DNAAF6: variants seen among roughly 807,000 people sequenced by gnomAD.
The protein encoded by DNAAF6 is PIH1 domain containing 3.
DNAAF6 carries 3 observed loss-of-function variants against 13.7 expected under a neutral mutation model. That is an observed-to-expected ratio of 0.22 (90% CI 0.10 to 0.56). DNAAF6 has a LOEUF of 0.56. Among genes scored for constraint, DNAAF6 ranks in the 20% least tolerant of loss-of-function variants. DNAAF6 has a pLI of 0.92. For missense variants in DNAAF6, 130 were observed against 151.0 expected (o/e 0.86, Z 0.73); for synonymous variants, 54 against 49.2 (o/e 1.10, Z -0.41).
Position 107,222,755 on chromosome X carries a change from A to G in DNAAF6, c.343A>G (p.Ile115Val). The G allele has an allele frequency of 8.3e-7, 1 of 1,202,742 alleles. No homozygotes were observed. Among genetic ancestry groups the G allele is most frequent in the Non-Finnish European group, 1.1e-6 (1 of 891,671 alleles). ...TTGATTTTTTTTCAGGTATGAGATTATATTCAGACAGCAGGTGGGAACTGA... is the reference window on the plus strand; with the variant it reads ...TTGATTTTTTTTCAGGTATGAGATTGTATTCAGACAGCAGGTGGGAACTGA... ...DVREIPEYEI[I>V]FRQQVGTEDI... Residue 115 changes from isoleucine (I) to valine (V), a missense_variant, in exon 5 of 7, where the codon ATA becomes GTA. Coordinates refer to ENST00000372453, the MANE Select transcript of DNAAF6 (RefSeq NM_173494.2).
intron 5 of DNAAF6, among the ~76,000 whole-genome samples, chrX:107,236,933 T>G: frequency 8.9e-6 from 1 of 111,804 alleles, no homozygotes; most frequent in East Asian, 2.8e-4. Context: ...CTATTTACTT[T>G]GAGGCAGAGC....
intron 5 of DNAAF6, among the ~76,000 whole-genome samples, chrX:107,227,884 G>T (rs1405116949): frequency 9.0e-6 from 1 of 111,025 alleles, no homozygotes; most frequent in Non-Finnish European, 1.9e-5. Context: ...GAGAGAGAGT[G>T]TGTGTGTGTT....
intron 6 of DNAAF6, 119 bp from the exon 7 acceptor site, chrX:107,243,050 A>C: frequency 1.3e-6 from 1 of 776,134 alleles, no homozygotes; most frequent in Non-Finnish European, 1.8e-6. Context: ...TACACTATCT[A>C]AATATTGGGG....
intron 6 of DNAAF6, among the ~76,000 whole-genome samples, chrX:107,240,832 A>G (rs1176624713): frequency 8.9e-6 from 1 of 111,785 alleles, no homozygotes. Context: ...TAAGAATTTC[A>G]TAAATGAATA....
chrX:107,229,593 G>A (rs1928337648), intron 5 of DNAAF6, among the ~76,000 whole-genome samples: 1 of 110,094 alleles, frequency 9.1e-6, no homozygotes, highest in Non-Finnish European at 1.9e-5. Context: ...CTGGAGATTT[G>A]ACCTATGTCT....
intron 5 of DNAAF6, among the ~76,000 whole-genome samples, chrX:107,229,403 G>A (rs1444457084): frequency 1.8e-5 from 2 of 108,726 alleles, no homozygotes; most frequent in Non-Finnish European, 3.8e-5. Context: ...TGAGATTACA[G>A]GCATGAGCCA....
At chrX:107,230,589 A>T (rs1928368036) in intron 5 of DNAAF6, among the ~76,000 whole-genome samples, 2 of 112,080 alleles carry the variant, frequency 1.8e-5, no homozygotes, top group African/African-American at 6.5e-5. Flanking sequence ...AGGCTGAGGC[A>T]GGAGAATTGT....
intron 1 of DNAAF6, among the ~76,000 whole-genome samples, chrX:107,211,128 TG>T (rs1007681240): frequency 8.9e-6 from 1 of 112,367 alleles, no homozygotes; most frequent in African/African-American, 3.2e-5. Flanking sequence ...TTAATAAAGT[TG>T]AATAAGTTAT....
At chrX:107,217,212 C>T (rs1326203243) in intron 3 of DNAAF6, among the ~76,000 whole-genome samples, 2 of 111,596 alleles carry the variant, frequency 1.8e-5, no homozygotes, top group African/African-American at 6.5e-5. Flanking sequence ...ACATTCCTTG[C>T]ATATTTTCTG....
chrX:107,235,433 T>C (rs1317426998), intron 5 of DNAAF6, among the ~76,000 whole-genome samples: 1 of 111,380 alleles, frequency 9.0e-6, no homozygotes, highest in Non-Finnish European at 1.9e-5. Flanking sequence ...AAGTGTAATC[T>C]ATGAGGCTAC....
At chrX:107,214,429 A>G (rs1354185145) in intron 2 of DNAAF6, among the ~76,000 whole-genome samples, 2 of 111,717 alleles carry the variant, frequency 1.8e-5, no homozygotes, top group Non-Finnish European at 3.8e-5. Flanking sequence ...GGACAGATTC[A>G]AATATAAGGA....
intron 5 of DNAAF6, among the ~76,000 whole-genome samples, chrX:107,231,140 A>C (rs1214095975): frequency 1.8e-5 from 2 of 112,125 alleles, no homozygotes. Flanking sequence ...CTATTCAGCC[A>C]TTAAAAAAAG....
Position 107,244,057 on chromosome X carries a change from G to A in DNAAF6, c.*759G>A, listed in dbSNP as rs762430878. 2 of 112,518 alleles carry A rather than the reference G, an allele frequency of 1.8e-5. No individual in the cohort carries two copies. The highest frequency in any genetic ancestry group is 5.6e-4 in the East Asian group (2 of 3,589). 9.3% of individuals were successfully genotyped at this position (112,518 alleles called of 1,213,427 possible). A position where few individuals can be genotyped will look rare whatever the true frequency, so the allele number is the denominator to read the frequency against. The stretch of plus-strand genomic sequence containing the variant: ...CTATCAACATATTTACTTGAGTAAG[G>A]AACACTTTTGTGCGTACAGTATTAT... On this transcript the variant is annotated 3_prime_UTR_variant, in exon 7 of 7. Coordinates refer to ENST00000372453, the MANE Select transcript of DNAAF6 (RefSeq NM_173494.2).
intron 5 of DNAAF6, among the ~76,000 whole-genome samples, chrX:107,226,622 C>T (rs1928260693): frequency 8.9e-6 from 1 of 111,847 alleles, no homozygotes; most frequent in Non-Finnish European, 1.9e-5. Context: ...TGCCAAAATC[C>T]AAAAATGAAT....
intron 1 of DNAAF6, among the ~76,000 whole-genome samples, chrX:107,206,932 G>A (rs767920140): frequency 8.9e-6 from 1 of 111,941 alleles, no homozygotes; most frequent in East Asian, 2.8e-4. Context: ...TTTACAGGAT[G>A]TGAGTGAAAG....
chrX:107,235,917 G>A (rs1187108288), intron 5 of DNAAF6, among the ~76,000 whole-genome samples: 1 of 110,075 alleles, frequency 9.1e-6, no homozygotes, highest in African/African-American at 3.3e-5. Flanking sequence ...ACTTGAGCCC[G>A]GGAATTTGAG....
chrX:107,218,977 A>G lies in DNAAF6; in HGVS notation c.332+8A>G, dbSNP rs772534884. 8.6e-7 allele frequency: 1 copy of G among 1,166,031 alleles called. No individual in the cohort carries two copies. Among genetic ancestry groups the G allele is most frequent in the East Asian group, 3.2e-5 (1 of 31,038 alleles). ...TGTTAGAGAAATCCCAGAGTAAGTC[A>G]AATGAAGCCAGGAATGTCTTTAGGA... On this transcript the variant is annotated splice_region_variant and intron_variant, in intron 4 of 6. Coordinates refer to ENST00000372453, the MANE Select transcript of DNAAF6 (RefSeq NM_173494.2).
chrX:107,238,461 C>T (rs1928564926), intron 5 of DNAAF6, among the ~76,000 whole-genome samples: 1 of 111,178 alleles, frequency 9.0e-6, no homozygotes, highest in Non-Finnish European at 1.9e-5. Context: ...ACTCCCACAC[C>T]TCCCTAGAAA....
intron 5 of DNAAF6, among the ~76,000 whole-genome samples, chrX:107,228,964 G>C: frequency 9.2e-6 from 1 of 108,142 alleles, no homozygotes. Flanking sequence ...GGCCAGGGTT[G>C]CCTTAAATCT....
Sources: allele counts gnomAD v4.1 joint callset (sites outside exome capture counted in the v4.1 genomes callset), GRCh38; gene constraint gnomAD v4.1.1; transcripts MANE v1.5; gene names NCBI Gene and HGNC (gene_info 2026-07-23, HGNC 2026-07-21).